The following MAGI2 variants were observed in gnomAD, a reference collection of about 807,000 sequenced individuals.
MAGI2 encodes membrane-associated guanylate kinase, WW and PDZ domain-containing protein 2.
In MAGI2, 35 loss-of-function variants were observed where a neutral mutation model predicts 133.3. The ratio of observed to expected loss-of-function variants is 0.26; its 90% confidence interval spans 0.20 to 0.35. MAGI2 has a LOEUF of 0.35. Among genes scored for constraint, MAGI2 ranks in the 10% least tolerant of loss-of-function variants. The probability of loss-of-function intolerance (pLI) is 1.00; values close to 1 mark genes in which losing one functional copy is unlikely to be tolerated. For missense variants in MAGI2, 1,636 were observed against 1,863.4 expected, an observed-to-expected ratio of 0.88 and a Z score of 2.25; for synonymous variants, 729 against 710.6, an observed-to-expected ratio of 1.03 and a Z score of -0.41.
At chr7:78,330,681 T>C (rs970521787) in intron 9 of MAGI2, among the ~76,000 whole-genome samples, 1 of 146,042 alleles carries the variant, frequency 6.8e-6, no homozygotes, top group African/African-American at 2.5e-5. Context: ...ACAAGTTGAA[T>C]ATTTTCCATA....
chr7:78,836,973 T>C (rs1280204362), intron 2 of MAGI2, among the ~76,000 whole-genome samples: 2 of 152,234 alleles, frequency 1.3e-5, no homozygotes, highest in Non-Finnish European at 2.9e-5. Context: ...TAATAATAAC[T>C]AGAATTCTTG....
chr7:78,494,358 T>A (rs949736236), intron 5 of MAGI2, among the ~76,000 whole-genome samples: 3 of 152,168 alleles, frequency 2.0e-5, no homozygotes, highest in African/African-American at 4.8e-5. Flanking sequence ...ATATGAATAT[T>A]TGGTCTTAGA....
At chr7:79,121,533 G>A (rs1395009853) in intron 1 of MAGI2, among the ~76,000 whole-genome samples, 1 of 151,876 alleles carries the variant, frequency 6.6e-6, no homozygotes, top group Non-Finnish European at 1.5e-5. Context: ...TCTGCCTTAT[G>A]TATCATCCCA....
intron 6 of MAGI2, among the ~76,000 whole-genome samples, chr7:78,406,883 A>G (rs969737668): frequency 1.2e-4 from 18 of 152,058 alleles, no homozygotes; most frequent in South Asian, 4.1e-4. Flanking sequence ...ATTCATGACC[A>G]TGTTGTAATA....
rs1013193000 is a variant in MAGI2 at position 79,401,517 on chromosome 7, A to C, written c.301+51503T>G. 3.3e-5 allele frequency among the ~76,000 whole-genome samples: 5 copies of C among 152,274 alleles called. No individual in the cohort carries two copies. The East Asian group carries it at 9.6e-4, about 29-fold the overall frequency. Reference sequence around the variant, plus strand: ...GTTTGTTATTTGTTGACTTTTAATTAAGTTGGAAAAAAGGCACATGCCCTC... The same window carrying C: ...GTTTGTTATTTGTTGACTTTTAATTCAGTTGGAAAAAAGGCACATGCCCTC... On this transcript the variant is annotated intron_variant, in intron 1 of 21. Transcript: ENST00000354212.
intron 7 of MAGI2, among the ~76,000 whole-genome samples, chr7:78,353,152 G>A (rs181377763): frequency 1.3e-5 from 2 of 152,350 alleles, no homozygotes; most frequent in East Asian, 1.9e-4. Flanking sequence ...TTGAGTGAAA[G>A]TAGTGAATTA....
chr7:78,503,298 C>A (rs1017220236), intron 4 of MAGI2, among the ~76,000 whole-genome samples: 1 of 152,048 alleles, frequency 6.6e-6, no homozygotes, highest in African/African-American at 2.4e-5. Flanking sequence ...CTAACCATAT[C>A]ATGATGATTG....
At chr7:79,428,209 T>C (rs961572486) in intron 1 of MAGI2, among the ~76,000 whole-genome samples, 3 of 152,152 alleles carry the variant, frequency 2.0e-5, no homozygotes, top group Admixed American at 1.3e-4. Context: ...GGATGAAAAC[T>C]TGGCTGTTGT....
At chr7:78,086,832 G>A (rs745361826) in intron 20 of MAGI2, among the ~76,000 whole-genome samples, 2 of 149,998 alleles carry the variant, frequency 1.3e-5, no homozygotes, top group Non-Finnish European at 3.0e-5. Flanking sequence ...ACGGGGTTTC[G>A]CCATGTTGCC....
chr7:78,879,915 GA>G (rs1375098412), intron 2 of MAGI2, among the ~76,000 whole-genome samples: 6 of 151,904 alleles, frequency 3.9e-5, no homozygotes, highest in Non-Finnish European at 8.8e-5. Flanking sequence ...TTCACTTAAG[GA>G]ATTTTAAAAT....
At chr7:78,601,341 A>T (rs1805182970) in intron 3 of MAGI2, among the ~76,000 whole-genome samples, 1 of 152,220 alleles carries the variant, frequency 6.6e-6, no homozygotes. Flanking sequence ...TGCTAAGAAA[A>T]AAAATGAGGC....
chr7:78,691,988 T>A (rs35432429), intron 2 of MAGI2, among the ~76,000 whole-genome samples: 59,833 of 151,962 alleles, frequency 0.39, 12,103 homozygotes, highest in Middle Eastern at 0.46. Flanking sequence ...GGGAAAAGTT[T>A]TGCATGCGTC....
chr7:78,176,841 C>G (rs1024403254), intron 14 of MAGI2, among the ~76,000 whole-genome samples: 1 of 151,058 alleles, frequency 6.6e-6, no homozygotes, highest in African/African-American at 2.4e-5. Context: ...GGACAAGACT[C>G]TGTCTCAGGA....
At position 78,823,703 on chromosome 7, in the gene MAGI2, G is replaced by A. The variant is rs75401225; in HGVS notation, c.418+183387C>T. Among the ~76,000 whole-genome samples the A allele has an allele frequency of 4.9e-3, 747 of 152,126 alleles. 7 individuals carry two copies. Among genetic ancestry groups the A allele is most frequent in the African/African-American group, 0.014 (584 of 41,490 alleles). On this transcript the variant is annotated intron_variant, in intron 2 of 21. Transcript: ENST00000354212. ...GAAAAGGTTAGGTAGAAGAATAAGA[G>A]CTGTCAGGTATCAAGAGAAAAAGAA...
At position 79,308,471 on chromosome 7, in the gene MAGI2, A is replaced by G. The variant is rs1837997998; in HGVS notation, c.301+144549T>C. On this transcript the variant is annotated intron_variant, in intron 1 of 21. Coordinates refer to ENST00000354212, the MANE Select transcript of MAGI2 (RefSeq NM_012301.4). Reference sequence around the variant, plus strand: ...AATAAACATTCTTCCCTTCCTCCACATCAGTGGCCCAAATACTAATTTGTC... The same window carrying G: ...AATAAACATTCTTCCCTTCCTCCACGTCAGTGGCCCAAATACTAATTTGTC... 2.6e-5 allele frequency among the ~76,000 whole-genome samples: 4 copies of G among 152,144 alleles called. No individual in the cohort carries two copies. In the South Asian group the frequency reaches 8.3e-4, roughly 31 times the overall value.
chr7:78,973,537 G>T (rs1216960655), intron 2 of MAGI2, among the ~76,000 whole-genome samples: 3 of 151,124 alleles, frequency 2.0e-5, no homozygotes, highest in East Asian at 2.0e-4. Context: ...TAGAGAATTT[G>T]CTGCAAGAGA....
chr7:79,230,927 T>C (rs1228530046), intron 1 of MAGI2, among the ~76,000 whole-genome samples: 1 of 130,268 alleles, frequency 7.7e-6, no homozygotes, highest in African/African-American at 2.8e-5. Flanking sequence ...TGGTTTTAGG[T>C]CTAACGTTTA....
intron 2 of MAGI2, among the ~76,000 whole-genome samples, chr7:78,896,189 C>A (rs1431685638): frequency 6.6e-6 from 1 of 152,132 alleles, no homozygotes. Flanking sequence ...TTATTTCCTG[C>A]ATTTCTTTGA....
At chr7:78,215,578 A>G (rs560524455) in intron 10 of MAGI2, among the ~76,000 whole-genome samples, 36 of 152,314 alleles carry the variant, frequency 2.4e-4, no homozygotes, top group African/African-American at 8.2e-4. Context: ...TTTACATAGC[A>G]TTAAAATGGA....
Sources: allele counts gnomAD v4.1 joint callset (sites outside exome capture counted in the v4.1 genomes callset), GRCh38; gene constraint gnomAD v4.1.1; transcripts MANE v1.5; gene names NCBI Gene and HGNC (gene_info 2026-07-23, HGNC 2026-07-21).